RAP1GAP2: variants seen among roughly 807,000 people sequenced by gnomAD.
RAP1GAP2 encodes rap1 GTPase-activating protein 2.
RAP1GAP2 carries 27 observed loss-of-function variants against 95.0 expected under a neutral mutation model. That is an observed-to-expected ratio of 0.28 (90% confidence interval 0.21 to 0.39). The LOEUF (loss-of-function observed/expected upper bound fraction) is 0.39, where lower values mean the gene tolerates loss of function less well. RAP1GAP2 is among the 10% of genes least tolerant of loss of function. RAP1GAP2 has a pLI of 1.00. For synonymous variants in RAP1GAP2, 373 were observed against 380.9 expected (o/e 0.98, Z 0.24); for missense variants, 771 against 970.0 (o/e 0.79, Z 2.72).
chr17:2,904,677 G>A lies in RAP1GAP2; in HGVS notation c.81-607G>A, dbSNP rs1226046332. Reference sequence around the variant, plus strand: ...AGCCCCGTGGTTCTCAGACTTTGCCGTGTAGCAGAATGACCTGGAGAGCTC... The same window carrying A: ...AGCCCCGTGGTTCTCAGACTTTGCCATGTAGCAGAATGACCTGGAGAGCTC... On this transcript the variant is annotated intron_variant, in intron 2 of 24. Transcript: ENST00000254695. This position sits in a 1 kb window ranked among gnomAD's most constrained non-coding sequence, Gnocchi z 4.7. Among the ~76,000 whole-genome samples the A allele has an allele frequency of 3.9e-5, 6 of 151,958 alleles. No homozygotes were observed. Among genetic ancestry groups the A allele is most frequent in the East Asian group, 1.9e-4 (1 of 5,170 alleles).
chr17:2,897,236 G>A (rs1165934478), intron 2 of RAP1GAP2, among the ~76,000 whole-genome samples: 1 of 152,038 alleles, frequency 6.6e-6, no homozygotes, highest in African/African-American at 2.4e-5. Flanking sequence ...TGCTTGGGAG[G>A]CTGAGGCAGG....
chr17:2,799,156 G>A lies in RAP1GAP2; in HGVS notation c.45-1359G>A, dbSNP rs553084056. On this transcript the variant is annotated intron_variant, in intron 1 of 24. Coordinates refer to ENST00000254695, the MANE Select transcript of RAP1GAP2 (RefSeq NM_015085.5). ...TGGGTTGCACGCGTTACAGCAGAGT[G>A]TGGGGCTCTGAGTCCTGCTCGGATC... Among the ~76,000 whole-genome samples, 7 of 152,352 alleles carry A rather than the reference G, an allele frequency of 4.6e-5. No individual in the cohort carries two copies. In the South Asian group the frequency reaches 1.2e-3, roughly 27 times the overall value.
chr17:2,931,642 C>T (rs1466375964), intron 3 of RAP1GAP2, among the ~76,000 whole-genome samples: 2 of 152,232 alleles, frequency 1.3e-5, no homozygotes, highest in African/African-American at 4.8e-5. Flanking sequence ...TATAATTAGG[C>T]TGTGGGAGCT....
intron 1 of RAP1GAP2, among the ~76,000 whole-genome samples, chr17:2,765,746 A>G (rs1398433812): frequency 6.6e-6 from 1 of 151,502 alleles, no homozygotes; most frequent in African/African-American, 2.4e-5. Context: ...CTGTCTCAAA[A>G]AAAAAAAAGA....
At chr17:2,887,681 T>G (rs2073547197) in intron 2 of RAP1GAP2, among the ~76,000 whole-genome samples, 1 of 77,246 alleles carries the variant, frequency 1.3e-5, no homozygotes, top group African/African-American at 4.4e-5. Context: ...GGTTTTTTTG[T>G]TTTTTTTTTT....
rs566901328 is a variant in RAP1GAP2 at position 2,786,686 on chromosome 17, C to T, written c.-14+9408C>T. Among the ~76,000 whole-genome samples, 248 of 151,752 alleles carry T rather than the reference C, an allele frequency of 1.6e-3. 1 individual carries two copies. The highest frequency in any genetic ancestry group is 2.4e-3 in the Non-Finnish European group (163 of 67,950). ...TTGCGATGGAGTCTCACTCTGTTGC[C>T]CAGGCTGGAGTGCAGTGGCGTGGTC... is the stretch of plus-strand genomic sequence containing the variant. On this transcript the variant is annotated intron_variant, in intron 1 of 24. Transcript: ENST00000540393.
intron 3 of RAP1GAP2, among the ~76,000 whole-genome samples, chr17:2,940,628 G>C (rs1419043416): frequency 6.6e-6 from 1 of 152,198 alleles, no homozygotes; most frequent in Non-Finnish European, 1.5e-5. Context: ...AGCGAGGAGA[G>C]TGTGAGCCGT....
At chr17:2,989,763 T>C (rs1052361327) in intron 11 of RAP1GAP2, among the ~76,000 whole-genome samples, 2 of 152,186 alleles carry the variant, frequency 1.3e-5, no homozygotes, top group Non-Finnish European at 2.9e-5. Context: ...CATAATGTTA[T>C]GTAATTTATA....
chr17:2,962,613 T>G (rs996162785), intron 4 of RAP1GAP2, 57 bp from the exon 5 acceptor site: 1 of 1,514,276 alleles, frequency 6.6e-7, no homozygotes, highest in African/African-American at 1.4e-5. Context: ...GCTCTTTATC[T>G]GGCCCTGTCT....
At chr17:2,800,617 C>G in intron 2 of RAP1GAP2, 67 bp downstream of exon 2, 3 of 1,523,920 alleles carry the variant, frequency 2.0e-6, no homozygotes, top group East Asian at 2.3e-5. Flanking sequence ...GGCCCTTGCT[C>G]CCCCCAGGTT....
chr17:2,930,323 G>A (rs1445368984), intron 3 of RAP1GAP2, among the ~76,000 whole-genome samples: 1 of 152,220 alleles, frequency 6.6e-6, no homozygotes, highest in Non-Finnish European at 1.5e-5. Context: ...AAGCCCACCA[G>A]CTGCTCACTG....
chr17:2,959,955 T>A (rs965400178), intron 4 of RAP1GAP2, among the ~76,000 whole-genome samples: 3 of 151,846 alleles, frequency 2.0e-5, no homozygotes, highest in African/African-American at 7.3e-5. Context: ...TGAAACCCTG[T>A]CTCTACTAAA....
At chr17:2,872,506 G>A (rs985093071) in intron 2 of RAP1GAP2, among the ~76,000 whole-genome samples, 2 of 152,104 alleles carry the variant, frequency 1.3e-5, no homozygotes, top group Non-Finnish European at 2.9e-5. Flanking sequence ...GCTGCTGCTA[G>A]GAGAGGGTCT....
intron 8 of RAP1GAP2, among the ~76,000 whole-genome samples, chr17:2,977,525 A>T (rs920709325): frequency 2.0e-5 from 3 of 151,996 alleles, no homozygotes; most frequent in Admixed American, 6.6e-5. Flanking sequence ...TGGGTGGATC[A>T]CTTGAGGTCA....
In RAP1GAP2 at chr17:2,965,529, T is replaced by C; in HGVS notation, c.493-11T>C. 1 of 1,602,066 alleles carries C rather than the reference T, an allele frequency of 6.2e-7. No homozygotes were observed. The highest frequency in any genetic ancestry group is 8.5e-7 in the Non-Finnish European group (1 of 1,173,426). On this transcript the variant is annotated splice_polypyrimidine_tract_variant and intron_variant, in intron 7 of 24. Coordinates refer to ENST00000254695, the MANE Select transcript of RAP1GAP2 (RefSeq NM_015085.5). This position sits in a 1 kb window ranked among gnomAD's most constrained non-coding sequence, Gnocchi z 4.7. The stretch of plus-strand genomic sequence containing the variant: ...TCCTCCTTCCTGCTCACACTCAGTT[T>C]CTTTTTTTAGGATCATCTAAACTTT...
intron 1 of RAP1GAP2, among the ~76,000 whole-genome samples, chr17:2,768,338 C>T (rs1213357439): frequency 6.6e-6 from 1 of 152,202 alleles, no homozygotes; most frequent in East Asian, 1.9e-4. Context: ...TGTATGGTTT[C>T]TCTCCCCACA....
intron 2 of RAP1GAP2, among the ~76,000 whole-genome samples, chr17:2,828,360 A>G (rs1349311326): frequency 6.6e-6 from 1 of 151,554 alleles, no homozygotes; most frequent in African/African-American, 2.4e-5. Context: ...CAAACAAACA[A>G]AAATAATACT....
chr17:2,869,487 A>C (rs1307784586), intron 2 of RAP1GAP2, among the ~76,000 whole-genome samples: 2 of 152,106 alleles, frequency 1.3e-5, no homozygotes, highest in Non-Finnish European at 2.9e-5. Context: ...TAATATGTAC[A>C]ATAGAAAAAG....
At chr17:3,018,922 G>A (rs1310604694) in intron 18 of RAP1GAP2, among the ~76,000 whole-genome samples, 2 of 152,194 alleles carry the variant, frequency 1.3e-5, no homozygotes, top group Admixed American at 6.5e-5. Context: ...AATTAACTGG[G>A]CGTGGTGGCG....
Sources: gnomAD v4.1 joint callset for allele counts (sites outside exome capture counted in the v4.1 genomes callset) on GRCh38, gnomAD v4.1.1 for gene constraint, Gnocchi (gnomAD v3.1) non-coding constraint, MANE v1.5 for transcripts, NCBI Gene and HGNC (gene_info 2026-07-23, HGNC 2026-07-21) for gene names.